WDFY3: variants seen among roughly 807,000 people sequenced by gnomAD.
WDFY3 encodes the protein WD repeat and FYVE domain containing 3.
A neutral mutation model predicts 409.6 loss-of-function variants in WDFY3; 66 were observed. The observed-to-expected ratio is 0.16, with a 90% CI of 0.13 to 0.20. The LOEUF is 0.20. WDFY3 is among the 10% of genes least tolerant of loss of function. WDFY3 has a pLI of 1.00. For missense variants in WDFY3, 3,031 were observed against 4,298.1 expected, an observed-to-expected ratio of 0.71 and a Z score of 8.24; for synonymous variants, 1,521 against 1,537.1, an observed-to-expected ratio of 0.99 and a Z score of 0.25.
Position 84,730,801 on chromosome 4 carries a change from CTCTG to C in WDFY3, c.7221+2577_7221+2580del, listed in dbSNP as rs943344387. Among the ~76,000 whole-genome samples the C allele has an allele frequency of 2.2e-4, 34 of 151,916 alleles. 1 individual carries two copies. Among genetic ancestry groups the C allele is most frequent in the African/African-American group, 7.7e-4 (32 of 41,480 alleles). On this transcript the variant is annotated intron_variant, in intron 44 of 67. Coordinates refer to ENST00000295888, the MANE Select transcript of WDFY3 (RefSeq NM_014991.6). ...ATGAGTTTAAAAAAAAAATCTCTCT[CTCTG>C]TATTTTTTTTTTTAGATGGAGTTTT...
intron 1 of WDFY3, among the ~76,000 whole-genome samples, chr4:84,949,839 T>A (rs891097252): frequency 6.6e-6 from 1 of 152,174 alleles, no homozygotes; most frequent in Non-Finnish European, 1.5e-5. Flanking sequence ...TCAGGCCCCT[T>A]ATAAGCCAAC....
chr4:84,731,186 G>T lies in WDFY3; in HGVS notation c.7221+2196C>A, dbSNP rs184347551. Among the ~76,000 whole-genome samples the T allele has an allele frequency of 6.6e-5, 10 of 152,252 alleles. No individual in the cohort carries two copies. The East Asian group carries it at 1.7e-3, about 26-fold the overall frequency. On this transcript the variant is annotated intron_variant, in intron 44 of 67. Transcript: ENST00000295888. ...GGCCATATGTGACCTGTGGGCCTCG[G>T]ATTGGACAACCTTGATCTAGCTCAT...
At chr4:84,890,234 G>A (rs1333186358) in intron 3 of WDFY3, among the ~76,000 whole-genome samples, 4 of 152,034 alleles carry the variant, frequency 2.6e-5, no homozygotes, top group Admixed American at 1.3e-4. Context: ...TGAGTAGCTG[G>A]TACTACAGGT....
intron 3 of WDFY3, among the ~76,000 whole-genome samples, chr4:84,876,837 C>T (rs748077535): frequency 1.2e-4 from 19 of 152,268 alleles, no homozygotes; most frequent in Non-Finnish European, 2.2e-4. Flanking sequence ...TTACAATTTA[C>T]GTATCCTAGT....
chr4:84,809,760 C>A, intron 14 of WDFY3, 127 bp downstream of exon 14: 2 of 860,206 alleles, frequency 2.3e-6, no homozygotes, highest in Non-Finnish European at 3.5e-6. Context: ...AAGTGATACA[C>A]TTCAAACAAA....
intron 49 of WDFY3, 27 bp downstream of exon 49, chr4:84,716,869 T>C (rs1274025662): frequency 2.7e-6 from 4 of 1,487,902 alleles, no homozygotes; most frequent in Non-Finnish European, 2.7e-6. Flanking sequence ...AGAAACATGA[T>C]AAAACAGTAC....
intron 47 of WDFY3, among the ~76,000 whole-genome samples, chr4:84,719,546 T>C (rs1198662867): frequency 1.3e-5 from 2 of 152,184 alleles, no homozygotes; most frequent in Non-Finnish European, 2.9e-5. Flanking sequence ...AATGAAAGCA[T>C]TGTAATAGGT....
At chr4:84,678,855 C>G in intron 65 of WDFY3, 64 bp downstream of exon 65, 2 of 1,532,010 alleles carry the variant, frequency 1.3e-6, no homozygotes, top group Non-Finnish European at 1.8e-6. Context: ...ACCCCACTGC[C>G]TCAATCCACC....
rs1216768962 is a variant in WDFY3, at chr4:84,740,447, A to C, written c.6235-31T>G. ...GACATGAAAGGTATGTTTTTAGTATAATAGACAAAAGTAAAACACCTGTTA... is the reference window on the plus strand; with the variant it reads ...GACATGAAAGGTATGTTTTTAGTATCATAGACAAAAGTAAAACACCTGTTA... On this transcript the variant is annotated intron_variant, in intron 38 of 67. Transcript: ENST00000295888. 3.1e-6 allele frequency: 5 copies of C among 1,608,566 alleles called. No individual in the cohort carries two copies. The South Asian group carries it at 5.5e-5, about 18-fold the overall frequency.
At chr4:84,767,646 C>T (rs1743909353) in intron 30 of WDFY3, among the ~76,000 whole-genome samples, 1 of 151,168 alleles carries the variant, frequency 6.6e-6, no homozygotes, top group Admixed American at 6.6e-5. Flanking sequence ...AGAAAAGAAA[C>T]AGCCTTATTG....
chr4:84,786,284 A>T, intron 23 of WDFY3, 145 bp from the exon 24 acceptor site: 1 of 756,746 alleles, frequency 1.3e-6, no homozygotes, highest in Non-Finnish European at 2.0e-6. Context: ...CTATCTTCTC[A>T]GCTCTTCATT....
chr4:84,745,163 G>A (rs1233333068), intron 36 of WDFY3, among the ~76,000 whole-genome samples: 1 of 152,176 alleles, frequency 6.6e-6, no homozygotes, highest in Non-Finnish European at 1.5e-5. Context: ...CTGATCCAGT[G>A]AGTAGCAAGG....
At chr4:84,855,863 GAGA>G (rs1201889032) in intron 4 of WDFY3, among the ~76,000 whole-genome samples, 3 of 152,192 alleles carry the variant, frequency 2.0e-5, no homozygotes, top group Non-Finnish European at 4.4e-5. Flanking sequence ...ATGAGAGTCT[GAGA>G]AGAACAGAAT....
intron 48 of WDFY3, among the ~76,000 whole-genome samples, chr4:84,717,627 T>C (rs1363709356): frequency 1.3e-5 from 2 of 152,108 alleles, no homozygotes; most frequent in Non-Finnish European, 2.9e-5. Context: ...GTCTCCTGAG[T>C]TTTCCACTAC....
At chr4:84,803,792 C>G (rs1007105844) in intron 15 of WDFY3, 1 of 181,854 alleles carries the variant, frequency 5.5e-6, no homozygotes, top group Non-Finnish European at 1.2e-5. Context: ...CACAGTGATT[C>G]AAAGCTCTAG....
intron 23 of WDFY3, 89 bp downstream of exon 23, chr4:84,787,393 C>T: frequency 1.6e-6 from 2 of 1,286,412 alleles, no homozygotes; most frequent in Non-Finnish European, 2.2e-6. Flanking sequence ...CCTAGATTAA[C>T]AATATGTATA....
chr4:84,673,764 T>C (rs368630726), intron 67 of WDFY3, among the ~76,000 whole-genome samples: 13 of 152,012 alleles, frequency 8.6e-5, no homozygotes, highest in Non-Finnish European at 1.5e-4. Flanking sequence ...TTTCAGAAGA[T>C]TGAAATGGAA....
At position 84,702,437 on chromosome 4, in the gene WDFY3, G is replaced by C. The variant is rs1326900797; in HGVS notation, c.8512C>G (p.His2838Asp). The C allele has an allele frequency of 6.2e-7, 1 of 1,613,894 alleles. No individual in the cohort carries two copies. Among genetic ancestry groups the C allele is most frequent in the Non-Finnish European group, 8.5e-7 (1 of 1,179,968 alleles). ...VREAWYSASK[H>D]NMADVKELIP... is the part of the protein sequence containing the mutation. ...AGTTCTTTTACATCTGCCATATTGT[G>C]CTTTGACGCTGAATACCAGGCCTCG... The change falls in exon 56 of 68, where the codon CAC (histidine) becomes GAC (aspartate). Residue 2838 changes from histidine (H) to aspartate (D), a missense_variant. By Grantham distance (81) the His-to-Asp change is moderately conservative (BLOSUM62 -1). Coordinates refer to ENST00000295888, the MANE Select transcript of WDFY3 (RefSeq NM_014991.6).
chr4:84,695,447 C>CTGTGTGTGTG (rs1729926810), intron 58 of WDFY3, among the ~76,000 whole-genome samples: 1 of 94,092 alleles, frequency 1.1e-5, no homozygotes, highest in Admixed American at 1.1e-4. Context: ...CATTTGGGTC[C>CTGTGTGTGTG]CGTGTGTGTG....
Sources: allele counts gnomAD v4.1 joint callset (sites outside exome capture counted in the v4.1 genomes callset), GRCh38; gene constraint gnomAD v4.1.1; transcripts MANE v1.5; gene names NCBI Gene and HGNC (gene_info 2026-07-23, HGNC 2026-07-21).